Variants in ASIC2 observed in about 807,000 individuals in gnomAD.
ASIC2 encodes the protein acid-sensing ion channel 2.
Under a neutral mutation model 57.3 loss-of-function variants are expected in ASIC2, and 25 were observed. The ratio of observed to expected loss-of-function variants is 0.44; its 90% CI spans 0.32 to 0.61. The LOEUF (loss-of-function observed/expected upper bound fraction) is 0.61, where lower values mean the gene tolerates loss of function less well. ASIC2 is among the 20% of genes least tolerant of loss of function. The pLI is 0.06. For synonymous variants in ASIC2, 319 were observed against 307.5 expected (o/e 1.04, Z -0.39); for missense variants, 641 against 738.1 (o/e 0.87, Z 1.52).
intron 1 of ASIC2, among the ~76,000 whole-genome samples, chr17:33,632,394 A>G (rs1906203525): frequency 6.6e-6 from 1 of 152,154 alleles, no homozygotes; most frequent in South Asian, 2.1e-4. Context: ...TTAAACGTGG[A>G]GCTGTGGGAT....
In ASIC2 at chr17:33,157,235, CT is replaced by C. The variant is rs1276511007; in HGVS notation, c.709-45169del. Among the ~76,000 whole-genome samples the C allele has an allele frequency of 5.3e-5, 8 of 152,310 alleles. No individual in the cohort carries two copies. The East Asian group carries it at 1.2e-3, about 22-fold the overall frequency. On this transcript the variant is annotated intron_variant, in intron 1 of 9. Coordinates refer to ENST00000225823, the MANE Select transcript of ASIC2 (RefSeq NM_183377.2). ...CAGGGAAACCAACCAATCAGGGCTT[CT>C]GACAAAATGAAGGCCAAGAATGATG...
chr17:33,194,512 T>C (rs1296307954), intron 1 of ASIC2, among the ~76,000 whole-genome samples: 1 of 152,240 alleles, frequency 6.6e-6, no homozygotes, highest in Admixed American at 6.5e-5. Context: ...AACTTCCATA[T>C]GTAGAGTTTT....
chr17:33,522,134 C>CA (rs765530377), intron 1 of ASIC2, among the ~76,000 whole-genome samples: 15 of 152,194 alleles, frequency 9.9e-5, no homozygotes, highest in Non-Finnish European at 1.9e-4. Context: ...TCAGTCCCCC[C>CA]ACTCCTTCCT....
intron 1 of ASIC2, among the ~76,000 whole-genome samples, chr17:33,284,103 CG>C (rs1185859366): frequency 1.6e-4 from 25 of 152,204 alleles, no homozygotes; most frequent in African/African-American, 5.3e-4. Flanking sequence ...TGTGTGGAAT[CG>C]GAGGAAACAA....
At chr17:33,303,311 C>G (rs558569265) in intron 1 of ASIC2, among the ~76,000 whole-genome samples, 39 of 152,246 alleles carry the variant, frequency 2.6e-4, no homozygotes, top group South Asian at 6.2e-4. Flanking sequence ...AGTGGGTTCT[C>G]AGTAATCTGC....
chr17:33,025,184 A>C (rs1318540709), intron 5 of ASIC2, among the ~76,000 whole-genome samples: 1 of 152,110 alleles, frequency 6.6e-6, no homozygotes, highest in Non-Finnish European at 1.5e-5. Context: ...TTGAGGGCAC[A>C]TTGTTTAAAA....
At chr17:33,016,157 C>A in intron 8 of ASIC2, 118 bp from the exon 9 acceptor site, 4 of 892,470 alleles carry the variant, frequency 4.5e-6, no homozygotes, top group East Asian at 2.6e-5. Context: ...CTGAACATAC[C>A]GTAGCACAAG....
At chr17:33,232,058 C>T (rs1055132759) in intron 1 of ASIC2, among the ~76,000 whole-genome samples, 2 of 152,200 alleles carry the variant, frequency 1.3e-5, no homozygotes, top group Non-Finnish European at 2.9e-5. Context: ...ATGTTTGCCT[C>T]TTCCCCTTCA....
chr17:33,491,373 T>G (rs1472007662), intron 1 of ASIC2, among the ~76,000 whole-genome samples: 2 of 152,214 alleles, frequency 1.3e-5, no homozygotes, highest in African/African-American at 4.8e-5. Context: ...GCCTTTGACC[T>G]TGCTGTTGTC....
chr17:33,722,157 TC>T (rs999771792), intron 1 of ASIC2, among the ~76,000 whole-genome samples: 2 of 152,158 alleles, frequency 1.3e-5, no homozygotes, highest in Non-Finnish European at 2.9e-5. Context: ...GGTGGGATTT[TC>T]CCATGCTGTT....
chr17:33,129,833 G>A (rs557755874), intron 1 of ASIC2, among the ~76,000 whole-genome samples: 4 of 152,250 alleles, frequency 2.6e-5, no homozygotes, highest in Admixed American at 2.6e-4. Context: ...GATGGAGGTT[G>A]TTAGGTGGAG....
At chr17:33,708,338 G>A (rs917135500) in intron 1 of ASIC2, among the ~76,000 whole-genome samples, 6 of 152,086 alleles carry the variant, frequency 3.9e-5, no homozygotes, top group Admixed American at 6.6e-5. Context: ...TTAAATTTTA[G>A]TTATCCATCT....
intron 1 of ASIC2, among the ~76,000 whole-genome samples, chr17:33,365,234 A>G (rs1018432991): frequency 2.6e-5 from 4 of 152,104 alleles, no homozygotes; most frequent in Admixed American, 6.5e-5. Flanking sequence ...CAGCTTGGCT[A>G]TTTCCCTGAC....
chr17:33,588,160 A>G (rs996263759), intron 1 of ASIC2, among the ~76,000 whole-genome samples: 2 of 152,260 alleles, frequency 1.3e-5, no homozygotes, highest in Admixed American at 1.3e-4. Context: ...TCAAAAGACC[A>G]TGCATGATGT....
At chr17:33,778,717 G>A (rs1196860509) in intron 1 of ASIC2, among the ~76,000 whole-genome samples, 1 of 152,108 alleles carries the variant, frequency 6.6e-6, no homozygotes. Flanking sequence ...TCTGAGCCTC[G>A]ACGTCCTCTC....
intron 1 of ASIC2, among the ~76,000 whole-genome samples, chr17:33,282,273 C>T (rs1295703343): frequency 1.3e-5 from 2 of 152,254 alleles, no homozygotes; most frequent in Non-Finnish European, 2.9e-5. Context: ...ATGAGTCTTA[C>T]CAGCTAAAAT....
intron 1 of ASIC2, among the ~76,000 whole-genome samples, chr17:33,726,633 T>C (rs1909570264): frequency 6.6e-6 from 1 of 152,128 alleles, no homozygotes; most frequent in Non-Finnish European, 1.5e-5. Context: ...TCAAGATTCC[T>C]CTCAAAATAT....
At chr17:33,776,191 T>G (rs1258219608) in intron 1 of ASIC2, among the ~76,000 whole-genome samples, 1 of 151,216 alleles carries the variant, frequency 6.6e-6, no homozygotes, top group African/African-American at 2.4e-5. Flanking sequence ...AATTCATATG[T>G]TGAAATCCTA....
chr17:33,895,774 C>T (rs908722635), intron 1 of ASIC2, among the ~76,000 whole-genome samples: 1 of 152,174 alleles, frequency 6.6e-6, no homozygotes, highest in African/African-American at 2.4e-5. Flanking sequence ...TCCCACAAGT[C>T]CTGAAACATT....
Sources: allele counts gnomAD v4.1 joint callset (sites outside exome capture counted in the v4.1 genomes callset), GRCh38; gene constraint gnomAD v4.1.1; transcripts MANE v1.5; gene names NCBI Gene and HGNC (gene_info 2026-07-23, HGNC 2026-07-21).